Variants in LGR6 observed in about 807,000 individuals in gnomAD.
The protein encoded by LGR6 is leucine rich repeat containing G protein-coupled receptor 6, also known as leucine-rich repeat-containing G protein-coupled receptor 6.
A neutral mutation model predicts 69.4 loss-of-function variants in LGR6; 45 were observed. The observed-to-expected ratio is 0.65, with a 90% CI of 0.51 to 0.83. LGR6 has a LOEUF of 0.83. Ranked by LOEUF, LGR6 falls within the 40% of genes least tolerant of loss-of-function variation. LGR6 has a pLI of 0.00. For missense variants in LGR6, 1,108 were observed against 1,246.7 expected, an observed-to-expected ratio of 0.89 and a Z score of 1.68; for synonymous variants, 538 against 555.0, an observed-to-expected ratio of 0.97 and a Z score of 0.43.
intron 16 of LGR6, among the ~76,000 whole-genome samples, chr1:202,313,087 C>T (rs576222217): frequency 1.3e-5 from 2 of 152,100 alleles, no homozygotes; most frequent in African/African-American, 2.4e-5. Context: ...ATTAGCCAGG[C>T]GTGGTGGCGG....
chr1:202,316,903 C>G (rs1654186315), intron 17 of LGR6, among the ~76,000 whole-genome samples: 3 of 152,046 alleles, frequency 2.0e-5, no homozygotes, highest in Non-Finnish European at 1.5e-5. Flanking sequence ...TGGAAAACAC[C>G]AGGATCTCAC....
At chr1:202,204,363 C>G (rs1343335486) in intron 1 of LGR6, among the ~76,000 whole-genome samples, 16 of 121,334 alleles carry the variant, frequency 1.3e-4, no homozygotes, top group African/African-American at 5.0e-4. Context: ...CACCTCCACA[C>G]ACACACACCT....
chr1:202,281,743 AC>A lies in LGR6; in HGVS notation c.716+897del, dbSNP rs142097332. The stretch of plus-strand genomic sequence containing the variant: ...CAGGGGGATGCTCACAGTTTCTCTT[AC>A]CCCCCACTTGCTCCACCTTGCCCTC... On this transcript the variant is annotated intron_variant, in intron 6 of 17. Transcript: ENST00000367278. Among the ~76,000 whole-genome samples, 527 of 150,942 alleles carry A rather than the reference AC, an allele frequency of 3.5e-3. 9 individuals carry two copies. The East Asian group carries it at 0.058, about 16-fold the overall frequency.
At chr1:202,305,911 T>C (rs1653136391) in intron 12 of LGR6, among the ~76,000 whole-genome samples, 162 bp downstream of exon 12, 1 of 152,154 alleles carries the variant, frequency 6.6e-6, no homozygotes, top group African/African-American at 2.4e-5. Flanking sequence ...GGCTGAGAGC[T>C]TGGCAGAGGC....
chr1:202,294,886 G>A lies in LGR6; in HGVS notation c.717-2622G>A, dbSNP rs187427733. ...TAGAGTAGTCAGAGAAGGGCTCTCT[G>A]ATGAGGTATAATTTGGGCAGAGACC... On this transcript the variant is annotated intron_variant, in intron 6 of 17. Coordinates refer to ENST00000367278, the MANE Select transcript of LGR6 (RefSeq NM_001017403.2). Among the ~76,000 whole-genome samples the A allele has an allele frequency of 1.6e-4, 25 of 152,340 alleles. 1 individual carries two copies. The highest frequency in any genetic ancestry group is 3.4e-3 in the Middle Eastern group (1 of 294).
chr1:202,223,148 C>T (rs1660284266), intron 1 of LGR6, among the ~76,000 whole-genome samples: 1 of 152,160 alleles, frequency 6.6e-6, no homozygotes, highest in Non-Finnish European at 1.5e-5. Context: ...TCTCTCCCAC[C>T]TGAAACTATG....
At chr1:202,315,006 C>T (rs1654038085) in intron 17 of LGR6, 124 bp downstream of exon 17, 1 of 688,998 alleles carries the variant, frequency 1.5e-6, no homozygotes, top group South Asian at 1.7e-5. Context: ...TCCCAGCCTG[C>T]TGCAAGAGGG....
intron 6 of LGR6, among the ~76,000 whole-genome samples, chr1:202,291,131 T>A (rs1666761905): frequency 6.6e-6 from 1 of 152,222 alleles, no homozygotes; most frequent in Non-Finnish European, 1.5e-5. Context: ...TAGAAACAGT[T>A]GAGCAGATGA....
chr1:202,228,129 T>C (rs572372140), intron 3 of LGR6, 122 bp downstream of exon 3: 2 of 624,564 alleles, frequency 3.2e-6, no homozygotes, highest in African/African-American at 3.7e-5. Flanking sequence ...TTATCTTCAC[T>C]TTCAGTTTCA....
At chr1:202,214,990 G>GGTGTGTGTGTGTGT (rs3221675) in intron 1 of LGR6, among the ~76,000 whole-genome samples, 2 of 145,524 alleles carry the variant, frequency 1.4e-5, no homozygotes, top group East Asian at 2.1e-4. Flanking sequence ...GGTGCACCTG[G>GGTGTGTGTGTGTGT]GTGTGTGTGT....
At chr1:202,298,910 T>C (rs1667372757) in intron 7 of LGR6, among the ~76,000 whole-genome samples, 2 of 151,498 alleles carry the variant, frequency 1.3e-5, no homozygotes, top group South Asian at 4.2e-4. Context: ...ATCCAGAAGT[T>C]TGAAGGTGTG....
At chr1:202,261,846 A>G (rs1185951988) in intron 4 of LGR6, among the ~76,000 whole-genome samples, 2 of 152,096 alleles carry the variant, frequency 1.3e-5, no homozygotes, top group Non-Finnish European at 2.9e-5. Context: ...GATGATGAGC[A>G]TTTTTTCATG....
chr1:202,195,667 T>C (rs1403775515), intron 1 of LGR6, among the ~76,000 whole-genome samples: 2 of 152,212 alleles, frequency 1.3e-5, no homozygotes, highest in African/African-American at 4.8e-5. Flanking sequence ...AGCAGTTTTC[T>C]ATCCTGGGAG....
chr1:202,193,898 G>T lies in LGR6; in HGVS notation c.-92G>T. 1 of 837,296 alleles carries T rather than the reference G, an allele frequency of 1.2e-6. No homozygotes were observed. Among genetic ancestry groups the T allele is most frequent in the Non-Finnish European group, 1.6e-6 (1 of 630,744 alleles). 51.9% of individuals were successfully genotyped at this position (837,296 alleles called of 1,614,324 possible). A position where few individuals can be genotyped will look rare whatever the true frequency, so the allele number is the denominator to read the frequency against. On this transcript the variant is annotated 5_prime_UTR_variant, in exon 1 of 18. Transcript: ENST00000367278. The stretch of plus-strand genomic sequence containing the variant: ...CCCTGGGGCGGTCCCCACCGACGGT[G>T]CAGCCCGCCGGGACCGGGAGGAAGC...
At chr1:202,304,358 C>G (rs1667821297) in intron 10 of LGR6, among the ~76,000 whole-genome samples, 1 of 152,112 alleles carries the variant, frequency 6.6e-6, no homozygotes, top group Non-Finnish European at 1.5e-5. Context: ...CCTCTAGGCC[C>G]AAGGGAGCTT....
intron 4 of LGR6, among the ~76,000 whole-genome samples, chr1:202,256,883 T>A (rs1663818361): frequency 6.6e-6 from 1 of 152,248 alleles, no homozygotes; most frequent in African/African-American, 2.4e-5. Flanking sequence ...ACACTTGTTA[T>A]GTCTTTTTGA....
chr1:202,291,396 G>T (rs1666781937), intron 6 of LGR6, among the ~76,000 whole-genome samples: 1 of 152,164 alleles, frequency 6.6e-6, no homozygotes, highest in Non-Finnish European at 1.5e-5. Context: ...TACACACTGA[G>T]CCTGGTCTGC....
At chr1:202,303,976 G>A (rs1259875293) in intron 10 of LGR6, among the ~76,000 whole-genome samples, 2 of 152,170 alleles carry the variant, frequency 1.3e-5, no homozygotes, top group Non-Finnish European at 2.9e-5. Context: ...ATTCCCCAAA[G>A]ATGACCTTGG....
intron 16 of LGR6, among the ~76,000 whole-genome samples, chr1:202,313,608 T>A (rs914381972): frequency 6.6e-6 from 1 of 152,196 alleles, no homozygotes; most frequent in Non-Finnish European, 1.5e-5. Flanking sequence ...AATGGGACCA[T>A]GAAGATGAGG....
Sources: allele counts gnomAD v4.1 joint callset (sites outside exome capture counted in the v4.1 genomes callset), GRCh38; gene constraint gnomAD v4.1.1; transcripts MANE v1.5; gene names NCBI Gene and HGNC (gene_info 2026-07-23, HGNC 2026-07-21).